UBR3: variants seen among roughly 807,000 people sequenced by gnomAD.
UBR3 encodes the protein E3 ubiquitin-protein ligase UBR3.
UBR3 carries 85 observed loss-of-function variants against 243.2 expected under a neutral mutation model. The ratio of observed to expected loss-of-function variants is 0.35; its 90% CI spans 0.29 to 0.42. UBR3 has a LOEUF of 0.42. Among genes scored for constraint, UBR3 ranks in the 10% least tolerant of loss-of-function variants. UBR3 has a pLI of 1.00. For synonymous variants in UBR3, 748 were observed against 799.8 expected (o/e 0.94, Z 1.09); for missense variants, 1,686 against 2,300.8 (o/e 0.73, Z 5.47).
Position 169,828,014 on chromosome 2 carries a change from C to A in UBR3, c.507C>A (p.Ala169=). The stretch of plus-strand genomic sequence containing the variant: ...TGTTCCGCAGCCAGGCCGGGGGCGC[C>A]TGCGACTGCGGGGACAGCAACGTGA... The part of the protein sequence containing the change: ...FNMFRSQAGG[A]CDCGDSNVMR... Residue 169 remains alanine (A), a synonymous_variant, in exon 1 of 39, where the codon GCC becomes GCA. Transcript: ENST00000272793. 1 of 1,408,132 alleles carries A rather than the reference C, an allele frequency of 7.1e-7. No individual in the cohort carries two copies. The highest frequency in any genetic ancestry group is 9.3e-7 in the Non-Finnish European group (1 of 1,074,392). The allele number at this position is 1,408,132 out of a possible 1,614,324, so 87.2% of individuals were successfully genotyped here.
intron 14 of UBR3, among the ~76,000 whole-genome samples, chr2:169,926,004 AAAGGCAAGG>A (rs2085896492): frequency 8.3e-6 from 1 of 119,932 alleles, no homozygotes; most frequent in African/African-American, 2.9e-5. Context: ...TTTCTGCAGG[AAAGGCAAGG>A]AAAGGCAAGG....
intron 30 of UBR3, among the ~76,000 whole-genome samples, chr2:170,024,028 G>A (rs910699771): frequency 1.1e-4 from 17 of 152,042 alleles, no homozygotes; most frequent in African/African-American, 4.1e-4. Context: ...ACTCTTTAAT[G>A]TCTTTATATC....
At chr2:170,025,744 A>C (rs2090511685) in intron 30 of UBR3, among the ~76,000 whole-genome samples, 1 of 152,186 alleles carries the variant, frequency 6.6e-6, no homozygotes, top group African/African-American at 2.4e-5. Context: ...TAAGAGGCAG[A>C]ACCAATGGGA....
At chr2:169,849,735 A>C (rs4667609) in intron 1 of UBR3, among the ~76,000 whole-genome samples, 14,658 of 152,308 alleles carry the variant, frequency 0.096, 1,066 homozygotes, top group Admixed American at 0.18. Context: ...AATCCAGTCA[A>C]CAAGAACAAA....
chr2:170,070,613 C>CTAAT (rs549013037), intron 35 of UBR3, among the ~76,000 whole-genome samples: 33 of 152,214 alleles, frequency 2.2e-4, no homozygotes, highest in African/African-American at 7.5e-4. Context: ...CCTATTAGAG[C>CTAAT]TAATAAGTTC....
At chr2:169,862,388 C>T (rs540505385) in intron 1 of UBR3, among the ~76,000 whole-genome samples, 2 of 152,186 alleles carry the variant, frequency 1.3e-5, no homozygotes, top group Non-Finnish European at 2.9e-5. Flanking sequence ...AGAAAAATGG[C>T]CCAGGAATAT....
chr2:169,996,882 G>T (rs986761858), intron 26 of UBR3, among the ~76,000 whole-genome samples: 1 of 151,486 alleles, frequency 6.6e-6, no homozygotes, highest in Non-Finnish European at 1.5e-5. Flanking sequence ...TATATTTTTA[G>T]TAGAGACAGG....
rs561135499 is a variant in UBR3 at position 169,878,394 on chromosome 2, A to G, written c.989-131A>G. On this transcript the variant is annotated intron_variant, in intron 4 of 38. Transcript: ENST00000272793. ...AAAAAAAAAGTTGGACTTTGCCAAGATAACTGTTAGAATGAGGTGTCCTAA... is the reference window on the plus strand; with the variant it reads ...AAAAAAAAAGTTGGACTTTGCCAAGGTAACTGTTAGAATGAGGTGTCCTAA... The G allele has an allele frequency of 9.7e-4, 770 of 791,158 alleles. 2 individuals are homozygous for G. The highest frequency in any genetic ancestry group is 2.5e-3 in the Middle Eastern group (9 of 3,570). The allele number at this position is 791,158 out of a possible 1,614,324, so 49.0% of individuals were successfully genotyped here.
At position 169,877,020 on chromosome 2, in the gene UBR3, T is replaced by C. The variant is rs116252649; in HGVS notation, c.845-474T>C. 2.3e-3 allele frequency among the ~76,000 whole-genome samples: 352 copies of C among 152,364 alleles called. 3 individuals carry two copies. Among genetic ancestry groups the C allele is most frequent in the African/African-American group, 8.2e-3 (341 of 41,588 alleles). The stretch of plus-strand genomic sequence containing the variant: ...CAGCTTAAGTTATAAAACTTGGAAT[T>C]GTTGAATGGTGTATTGTTATACAAA... On this transcript the variant is annotated intron_variant, in intron 3 of 38. Coordinates refer to ENST00000272793, the MANE Select transcript of UBR3 (RefSeq NM_172070.4).
intron 24 of UBR3, among the ~76,000 whole-genome samples, chr2:169,982,148 G>A (rs935625990): frequency 6.6e-6 from 1 of 152,112 alleles, no homozygotes; most frequent in African/African-American, 2.4e-5. Flanking sequence ...AAAATTCTCT[G>A]TGCCTGCCAC....
intron 18 of UBR3, among the ~76,000 whole-genome samples, chr2:169,930,800 T>G (rs2105349292): frequency 6.6e-6 from 1 of 152,272 alleles, no homozygotes; most frequent in South Asian, 2.1e-4. Flanking sequence ...ATTTGTCATA[T>G]TAATATAAAA....
At chr2:169,965,457 A>G (rs181759743) in intron 24 of UBR3, among the ~76,000 whole-genome samples, 6 of 152,310 alleles carry the variant, frequency 3.9e-5, no homozygotes, top group Admixed American at 1.3e-4. Flanking sequence ...CAAACCCCAT[A>G]TATACTGTTT....
intron 24 of UBR3, among the ~76,000 whole-genome samples, chr2:169,969,588 A>T (rs1308300995): frequency 2.3e-5 from 3 of 131,984 alleles, no homozygotes; most frequent in African/African-American, 5.9e-5. Flanking sequence ...TTGCTCTGTT[A>T]CCCAGGCTGG....
Position 169,925,619 on chromosome 2 carries a change from G to T in UBR3, c.2023G>T (p.Ala675Ser), listed in dbSNP as rs1040884880. 1.5e-5 allele frequency: 23 copies of T among 1,541,766 alleles called. No individual in the cohort carries two copies. The highest frequency in any genetic ancestry group is 2.0e-5 in the Non-Finnish European group (23 of 1,143,674). ...KLMIHPLQIQ[A>S]SLAEIHSNMW... is the part of the protein sequence containing the mutation. Reference sequence around the variant, plus strand: ...TCTTTGTCCAATTTACTTTTATTAGGCAAGTCTTGCAGAAATCCACAGCAA... The same window carrying T: ...TCTTTGTCCAATTTACTTTTATTAGTCAAGTCTTGCAGAAATCCACAGCAA... The change falls in exon 14 of 39, where the codon GCA (alanine) becomes TCA (serine). Residue 675 changes from alanine to serine, a missense_variant and splice_region_variant. By Grantham distance (99) the Ala-to-Ser change is moderately conservative. This residue lies in a region of UBR3 where 346 missense variants were observed against 585.8 expected (regional missense o/e 0.59). Coordinates refer to ENST00000272793, the MANE Select transcript of UBR3 (RefSeq NM_172070.4).
chr2:169,977,697 G>A (rs1454758773), intron 24 of UBR3, among the ~76,000 whole-genome samples: 1 of 152,132 alleles, frequency 6.6e-6, no homozygotes, highest in East Asian at 1.9e-4. Flanking sequence ...CGCCCACAAT[G>A]ATGGCAGATG....
At chr2:169,888,458 T>C (rs2084200183) in intron 5 of UBR3, among the ~76,000 whole-genome samples, 1 of 152,154 alleles carries the variant, frequency 6.6e-6, no homozygotes, top group Non-Finnish European at 1.5e-5. Context: ...GACTTTAAAA[T>C]GTCTGACATT....
intron 5 of UBR3, among the ~76,000 whole-genome samples, chr2:169,880,829 T>C (rs4667610): frequency 0.057 from 8,711 of 152,252 alleles, 463 homozygotes; most frequent in African/African-American, 0.14. Flanking sequence ...TTTCTCATTA[T>C]TTATCTCCTA....
intron 23 of UBR3, 149 bp from the exon 24 acceptor site, chr2:169,958,289 A>C: frequency 1.9e-6 from 1 of 515,738 alleles, no homozygotes; most frequent in East Asian, 3.4e-5. Context: ...AGGACAATCA[A>C]GTATTAGAAG....
intron 25 of UBR3, among the ~76,000 whole-genome samples, chr2:169,988,336 T>C (rs2089122249): frequency 6.6e-6 from 1 of 152,252 alleles, no homozygotes; most frequent in Admixed American, 6.5e-5. Flanking sequence ...GTGAAACTTA[T>C]GTTCTTGTTT....
Sources: allele counts gnomAD v4.1 joint callset (sites outside exome capture counted in the v4.1 genomes callset), GRCh38; gene constraint gnomAD v4.1.1; regional missense constraint gnomAD v4.1.1; transcripts MANE v1.5; gene names NCBI Gene and HGNC (gene_info 2026-07-23, HGNC 2026-07-21).